Variants in ADAMTS3 observed in about 807,000 individuals in gnomAD.
The protein encoded by ADAMTS3 is A disintegrin and metalloproteinase with thrombospondin motifs 3.
A neutral mutation model predicts 129.0 loss-of-function variants in ADAMTS3; 73 were observed. That is an observed-to-expected ratio of 0.57 (90% CI 0.47 to 0.69). The LOEUF (loss-of-function observed/expected upper bound fraction) is 0.69. ADAMTS3 is among the 30% of genes least tolerant of loss of function. ADAMTS3 has a pLI of 0.00. For synonymous variants in ADAMTS3, 477 were observed against 510.8 expected (o/e 0.93, Z 0.89); for missense variants, 1,457 against 1,514.5 (o/e 0.96, Z 0.63).
Position 72,380,162 on chromosome 4 carries a change from T to C in ADAMTS3, c.661+34653A>G, listed in dbSNP as rs116665998. On this transcript the variant is annotated intron_variant, in intron 4 of 21. Transcript: ENST00000286657. The stretch of plus-strand genomic sequence containing the variant: ...ACACATAGTATGAATATTTGTAATA[T>C]TCTTGAGAATATATTTAAGTGGATA... Among the ~76,000 whole-genome samples, 1,181 of 152,266 alleles carry C rather than the reference T, an allele frequency of 7.8e-3. 19 individuals are homozygous for C. The highest frequency in any genetic ancestry group is 0.027 in the African/African-American group (1,140 of 41,550).
intron 3 of ADAMTS3, among the ~76,000 whole-genome samples, chr4:72,503,776 C>T (rs1720085446): frequency 6.6e-6 from 1 of 152,150 alleles, no homozygotes; most frequent in Non-Finnish European, 1.5e-5. Context: ...AATACAGGTC[C>T]TCCAATGTTG....
In ADAMTS3 at chr4:72,550,054, A is replaced by G. The variant is rs867921096; in HGVS notation, c.98-1170T>C. Among the ~76,000 whole-genome samples the G allele has an allele frequency of 6.2e-4, 7 of 11,304 alleles. 2 individuals carry two copies. Among genetic ancestry groups the G allele is most frequent in the East Asian group, 2.4e-3 (1 of 414 alleles). 7.4% of individuals were successfully genotyped at this position (11,304 alleles called of 152,430 possible). ...AAGAAGAAGAAGAAGAGGAAGAGGAAGAGGAAGAGGAAGAGGAAGAGGAAG... is the reference window on the plus strand; with the variant it reads ...AAGAAGAAGAAGAAGAGGAAGAGGAGGAGGAAGAGGAAGAGGAAGAGGAAG... On this transcript the variant is annotated intron_variant, in intron 2 of 21. Coordinates refer to ENST00000286657, the MANE Select transcript of ADAMTS3 (RefSeq NM_014243.3).
chr4:72,541,552 G>A (rs1721324254), intron 3 of ADAMTS3, among the ~76,000 whole-genome samples: 1 of 152,204 alleles, frequency 6.6e-6, no homozygotes, highest in African/African-American at 2.4e-5. Flanking sequence ...TGGTTTGGCT[G>A]TGTCCCCACC....
chr4:72,557,242 T>C (rs936862260), intron 2 of ADAMTS3, among the ~76,000 whole-genome samples: 2 of 151,654 alleles, frequency 1.3e-5, no homozygotes, highest in Non-Finnish European at 2.9e-5. Context: ...ATGACTTTCA[T>C]CAGAAATGAT....
chr4:72,479,354 C>G (rs1483635776), intron 3 of ADAMTS3, among the ~76,000 whole-genome samples: 2 of 152,118 alleles, frequency 1.3e-5, no homozygotes, highest in African/African-American at 2.4e-5. Context: ...AGATATAGAA[C>G]AATGGAACAG....
intron 4 of ADAMTS3, among the ~76,000 whole-genome samples, chr4:72,372,418 G>C (rs1294181206): frequency 1.3e-5 from 2 of 151,962 alleles, no homozygotes; most frequent in Non-Finnish European, 1.5e-5. Flanking sequence ...CCTGAAGATA[G>C]AAGTACATCA....
Position 72,399,819 on chromosome 4 carries a change from GTATA to G in ADAMTS3, c.661+14992_661+14995del, listed in dbSNP as rs1560501249. On this transcript the variant is annotated intron_variant, in intron 4 of 21. Transcript: ENST00000286657. ...GTGTATATATATACACACACGGTGT[GTATA>G]TACGTGTGTATATATATACACACAC... Among the ~76,000 whole-genome samples, 84 of 138,090 alleles carry G rather than the reference GTATA, an allele frequency of 6.1e-4. 15 individuals are homozygous for G. The highest frequency in any genetic ancestry group is 1.8e-3 in the South Asian group (8 of 4,562). The allele number at this position is 138,090 out of a possible 152,430, so 90.6% of individuals were successfully genotyped here.
chr4:72,555,855 A>C (rs1560566313), intron 2 of ADAMTS3, among the ~76,000 whole-genome samples: 1 of 151,464 alleles, frequency 6.6e-6, no homozygotes, highest in Non-Finnish European at 1.5e-5. Flanking sequence ...GGTGTGTAGT[A>C]CTTTCCCCTT....
chr4:72,529,599 G>A (rs1409308507), intron 3 of ADAMTS3, among the ~76,000 whole-genome samples: 1 of 139,774 alleles, frequency 7.2e-6, no homozygotes, highest in African/African-American at 2.7e-5. Flanking sequence ...ATGCTGTACA[G>A]GTTTGCAGCC....
intron 11 of ADAMTS3, among the ~76,000 whole-genome samples, chr4:72,314,950 T>A (rs1191231909): frequency 1.3e-5 from 2 of 152,236 alleles, no homozygotes. Flanking sequence ...CTTTTCAACT[T>A]GAGTTCTTAA....
At chr4:72,291,139 C>G (rs543713312) in intron 19 of ADAMTS3, 77 bp from the exon 20 acceptor site, 7 of 1,493,872 alleles carry the variant, frequency 4.7e-6, no homozygotes, top group Middle Eastern at 1.8e-4. Flanking sequence ...AAAGCCTAGA[C>G]TTTTCTGCTC....
Position 72,318,552 on chromosome 4 carries a change from A to G in ADAMTS3, c.1485+20T>C, listed in dbSNP as rs754161270. The G allele has an allele frequency of 1.7e-5, 28 of 1,610,588 alleles. No homozygotes were observed. The highest frequency in any genetic ancestry group is 1.3e-4 in the East Asian group (6 of 44,688). On this transcript the variant is annotated intron_variant, in intron 10 of 21. Coordinates refer to ENST00000286657, the MANE Select transcript of ADAMTS3 (RefSeq NM_014243.3). ...ATAGATTTCGAGCTGCAAAATCTAC[A>G]TCAACTGTGAGCAACATACCGCGGT... is the stretch of plus-strand genomic sequence containing the variant.
At chr4:72,309,370 C>T in intron 15 of ADAMTS3, 27 bp downstream of exon 15, 1 of 1,607,710 alleles carries the variant, frequency 6.2e-7, no homozygotes, top group Non-Finnish European at 8.5e-7. Context: ...GAGAAGAATA[C>T]TAAATCCATG....
At chr4:72,496,889 C>T (rs756605454) in intron 3 of ADAMTS3, among the ~76,000 whole-genome samples, 1 of 151,874 alleles carries the variant, frequency 6.6e-6, no homozygotes, top group Non-Finnish European at 1.5e-5. Flanking sequence ...AACATTCAGC[C>T]GCACATCAAG....
intron 2 of ADAMTS3, among the ~76,000 whole-genome samples, chr4:72,562,161 G>A (rs540123406): frequency 7.9e-5 from 12 of 152,086 alleles, no homozygotes; most frequent in South Asian, 4.2e-4. Context: ...TTACGAATTC[G>A]CTGCATCTTT....
chr4:72,485,066 G>A (rs1719543032), intron 3 of ADAMTS3, among the ~76,000 whole-genome samples: 1 of 152,242 alleles, frequency 6.6e-6, no homozygotes, highest in African/African-American at 2.4e-5. Flanking sequence ...AAAGAGAAAT[G>A]CAGCATATTA....
At chr4:72,307,218 C>T (rs2109791954) in intron 15 of ADAMTS3, among the ~76,000 whole-genome samples, 1 of 152,018 alleles carries the variant, frequency 6.6e-6, no homozygotes, top group East Asian at 1.9e-4. Context: ...TTATTAGTGT[C>T]CTAACTAAAT....
chr4:72,420,570 A>G (rs982412598), intron 3 of ADAMTS3, among the ~76,000 whole-genome samples: 3 of 152,130 alleles, frequency 2.0e-5, no homozygotes, highest in Non-Finnish European at 4.4e-5. Context: ...ACTGCCTATC[A>G]TGTTCATTGT....
chr4:72,352,382 T>G (rs572741764), intron 4 of ADAMTS3, among the ~76,000 whole-genome samples: 3 of 152,022 alleles, frequency 2.0e-5, no homozygotes, highest in African/African-American at 7.2e-5. Flanking sequence ...ATCTAACAAA[T>G]TGGTAACACA....
Sources: gnomAD v4.1 joint callset for allele counts (sites outside exome capture counted in the v4.1 genomes callset) on GRCh38, gnomAD v4.1.1 for gene constraint, MANE v1.5 for transcripts, NCBI Gene and HGNC (gene_info 2026-07-23, HGNC 2026-07-21) for gene names.